Variants in GRM8 observed in about 807,000 individuals in gnomAD.
The protein encoded by GRM8 is glutamate metabotropic receptor 8.
A neutral mutation model predicts 87.2 loss-of-function variants in GRM8; 47 were observed. The ratio of observed to expected loss-of-function variants is 0.54; its 90% CI spans 0.43 to 0.69. GRM8 has a LOEUF of 0.69. Among genes scored for constraint, GRM8 ranks in the 30% least tolerant of loss-of-function variants. GRM8 has a pLI of 0.00. For missense variants in GRM8, 1,019 were observed against 1,139.2 expected (o/e 0.89, Z 1.52); for synonymous variants, 396 against 404.5 (o/e 0.98, Z 0.25).
At chr7:126,595,590 G>T (rs1797102829) in intron 8 of GRM8, among the ~76,000 whole-genome samples, 1 of 151,726 alleles carries the variant, frequency 6.6e-6, no homozygotes, top group South Asian at 2.1e-4. Context: ...CAGGTAAAGG[G>T]TATGTCACAG....
At position 126,971,458 on chromosome 7, in the gene GRM8, T is replaced by C. The variant is rs143300103; in HGVS notation, c.728-66775A>G. ...CAGTGTTTCACTCATTCAAATATAT[T>C]CATATACATCTCACTGAATATAAAG... On this transcript the variant is annotated intron_variant, in intron 3 of 10. Transcript: ENST00000339582. Among the ~76,000 whole-genome samples, 945 of 152,246 alleles carry C rather than the reference T, an allele frequency of 6.2e-3. 10 individuals carry two copies. Among genetic ancestry groups the C allele is most frequent in the African/African-American group, 0.021 (889 of 41,558 alleles).
intron 3 of GRM8, among the ~76,000 whole-genome samples, chr7:126,945,705 T>C (rs1244333466): frequency 6.6e-6 from 1 of 152,204 alleles, no homozygotes; most frequent in African/African-American, 2.4e-5. Context: ...GCACTTCTGG[T>C]CCCAGGCATT....
chr7:126,651,155 C>T (rs1803810508), intron 7 of GRM8, among the ~76,000 whole-genome samples: 1 of 152,204 alleles, frequency 6.6e-6, no homozygotes, highest in South Asian at 2.1e-4. Context: ...CATCCATGGA[C>T]TCACAGAATG....
chr7:126,838,152 G>A (rs572206600), intron 6 of GRM8, among the ~76,000 whole-genome samples: 1 of 152,152 alleles, frequency 6.6e-6, no homozygotes, highest in Non-Finnish European at 1.5e-5. Flanking sequence ...TGAACTGCTA[G>A]AGTATTTTTA....
intron 7 of GRM8, among the ~76,000 whole-genome samples, chr7:126,712,775 G>T (rs962013295): frequency 6.6e-6 from 1 of 152,112 alleles, no homozygotes; most frequent in African/African-American, 2.4e-5. Context: ...ATCAAAAAGT[G>T]GGCAAAGGAT....
intron 3 of GRM8, among the ~76,000 whole-genome samples, chr7:126,968,973 T>C (rs1810141118): frequency 6.6e-6 from 1 of 152,172 alleles, no homozygotes; most frequent in Non-Finnish European, 1.5e-5. Flanking sequence ...AAGTGAGTCA[T>C]GTGAACTTTT....
At chr7:126,480,435 T>C (rs145005008) in intron 9 of GRM8, among the ~76,000 whole-genome samples, 169 of 152,212 alleles carry the variant, frequency 1.1e-3, no homozygotes, top group African/African-American at 3.9e-3. Context: ...TTTGACTAGC[T>C]ACTGTAAGGT....
intron 7 of GRM8, among the ~76,000 whole-genome samples, chr7:126,702,504 G>C (rs1810047294): frequency 6.6e-6 from 1 of 152,200 alleles, no homozygotes; most frequent in Non-Finnish European, 1.5e-5. Context: ...CGACGCAGTG[G>C]CAGAGAAGGT....
intron 3 of GRM8, among the ~76,000 whole-genome samples, chr7:126,990,047 C>T (rs923820679): frequency 3.3e-5 from 5 of 152,114 alleles, no homozygotes; most frequent in African/African-American, 4.8e-5. Context: ...AAATATTCTC[C>T]TTTACTGTCT....
intron 2 of GRM8, among the ~76,000 whole-genome samples, chr7:127,112,763 G>A (rs1283521556): frequency 2.6e-5 from 4 of 152,086 alleles, no homozygotes; most frequent in Admixed American, 1.3e-4. Context: ...CAGTCTTCTC[G>A]TAGGGAAGCT....
chr7:127,042,846 C>CT (rs1818553495), intron 3 of GRM8, among the ~76,000 whole-genome samples: 2 of 152,132 alleles, frequency 1.3e-5, no homozygotes, highest in Admixed American at 1.3e-4. Flanking sequence ...ATGGGAGAAA[C>CT]TTTTTGCAAT....
At chr7:126,661,937 A>G (rs1047472219) in intron 7 of GRM8, among the ~76,000 whole-genome samples, 3 of 152,220 alleles carry the variant, frequency 2.0e-5, no homozygotes, top group Admixed American at 6.5e-5. Flanking sequence ...CTCATATTTA[A>G]TGATTCTATA....
chr7:126,958,448 G>C (rs1041722410), intron 3 of GRM8, among the ~76,000 whole-genome samples: 1 of 152,192 alleles, frequency 6.6e-6, no homozygotes, highest in Non-Finnish European at 1.5e-5. Flanking sequence ...GCCGCTTGCG[G>C]TATGTCTGGT....
intron 3 of GRM8, among the ~76,000 whole-genome samples, chr7:126,907,123 AGAGG>A (rs2131259900): frequency 6.6e-6 from 1 of 151,928 alleles, no homozygotes; most frequent in Non-Finnish European, 1.5e-5. Context: ...AGAAAGAGGA[AGAGG>A]AAGAAGGAGG....
At chr7:126,536,333 C>T (rs1344936315) in intron 8 of GRM8, among the ~76,000 whole-genome samples, 2 of 152,158 alleles carry the variant, frequency 1.3e-5, no homozygotes, top group African/African-American at 2.4e-5. Flanking sequence ...ATGGTTGAGG[C>T]CAGAGAACTG....
At chr7:126,705,962 G>T (rs929043164) in intron 7 of GRM8, among the ~76,000 whole-genome samples, 3 of 151,870 alleles carry the variant, frequency 2.0e-5, no homozygotes, top group Non-Finnish European at 4.4e-5. Flanking sequence ...AAGTAAAGAA[G>T]ACCCAAGTAA....
chr7:127,046,223 T>A (rs1818907766), intron 3 of GRM8, among the ~76,000 whole-genome samples: 2 of 151,882 alleles, frequency 1.3e-5, no homozygotes, highest in South Asian at 2.1e-4. Flanking sequence ...TACAAAAAAA[T>A]TAGCCAGGCG....
intron 2 of GRM8, among the ~76,000 whole-genome samples, chr7:127,146,613 C>G (rs1326169180): frequency 6.6e-6 from 1 of 152,010 alleles, no homozygotes; most frequent in Non-Finnish European, 1.5e-5. Context: ...GACATATGGT[C>G]TTGAAATTCC....
intron 7 of GRM8, among the ~76,000 whole-genome samples, chr7:126,684,842 A>G (rs1035554094): frequency 2.6e-5 from 4 of 152,242 alleles, no homozygotes; most frequent in African/African-American, 9.6e-5. Context: ...GTCTGAAAAT[A>G]TGGACTTTCA....
Sources: gnomAD v4.1 joint callset for allele counts (sites outside exome capture counted in the v4.1 genomes callset) on GRCh38, gnomAD v4.1.1 for gene constraint, MANE v1.5 for transcripts, NCBI Gene and HGNC (gene_info 2026-07-23, HGNC 2026-07-21) for gene names.